Variants in CAST observed in about 807,000 individuals in gnomAD.
CAST encodes the protein MIR583 host.
In CAST, 76 loss-of-function variants were observed where a neutral mutation model predicts 119.6. The observed-to-expected ratio is 0.64, with a 90% CI of 0.53 to 0.77. The LOEUF (loss-of-function observed/expected upper bound fraction) is 0.77, where lower values mean the gene tolerates loss of function less well. Ranked by LOEUF, CAST falls within the 30% of genes least tolerant of loss-of-function variation. CAST has a pLI of 0.00. For missense variants in CAST, 953 were observed against 946.5 expected, an observed-to-expected ratio of 1.01 and a Z score of -0.09; for synonymous variants, 319 against 331.6, an observed-to-expected ratio of 0.96 and a Z score of 0.41.
At chr5:96,361,117 T>C in the CAST span, among the ~76,000 whole-genome samples, 2 of 152,180 alleles carry the variant, frequency 1.3e-5, no homozygotes, top group Non-Finnish European at 2.9e-5. Context: ...TCCTGGCAGC[T>C]TTGTTTACAC....
intron 1 of CAST, among the ~76,000 whole-genome samples, chr5:96,553,044 T>C (rs905130946): frequency 1.3e-5 from 2 of 152,152 alleles, no homozygotes; most frequent in African/African-American, 2.4e-5. Context: ...GAGGGAATCC[T>C]CACTAACTCA....
chr5:96,183,195 A>ATAATAATAATAC, the CAST span, among the ~76,000 whole-genome samples: 2 of 144,668 alleles, frequency 1.4e-5, no homozygotes, highest in Non-Finnish European at 3.0e-5. Context: ...AATAATAATA[A>ATAATAATAATAC]TACAATGTTT....
intron 10 of CAST, 145 bp from the exon 11 acceptor site, chr5:96,737,704 C>T: frequency 1.9e-6 from 1 of 530,582 alleles, no homozygotes; most frequent in Non-Finnish European, 3.4e-6. Flanking sequence ...CTGTTAAAGA[C>T]CAGATTTTAA....
chr5:96,632,624 G>C (rs1165636559), intron 1 of CAST, among the ~76,000 whole-genome samples: 3 of 147,362 alleles, frequency 2.0e-5, no homozygotes, highest in Admixed American at 1.4e-4. Flanking sequence ...GGTGAGAACA[G>C]AGTGCTAATT....
chr5:96,271,930 G>A, the CAST span, among the ~76,000 whole-genome samples: 3 of 152,124 alleles, frequency 2.0e-5, no homozygotes, highest in South Asian at 4.1e-4. Flanking sequence ...CAAATATTCT[G>A]ATGTTTTAAA....
At chr5:96,273,559 T>C in the CAST span, among the ~76,000 whole-genome samples, 4 of 152,218 alleles carry the variant, frequency 2.6e-5, no homozygotes, top group African/African-American at 9.6e-5. Context: ...GCTTTCCTTG[T>C]TGAAGAAAAA....
intron 1 of CAST, among the ~76,000 whole-genome samples, chr5:96,630,123 T>A (rs1385047856): frequency 6.6e-6 from 1 of 152,238 alleles, no homozygotes; most frequent in Non-Finnish European, 1.5e-5. Flanking sequence ...GGATGTATCA[T>A]TGAATAAAAC....
At chr5:96,274,073 G>A in the CAST span, among the ~76,000 whole-genome samples, 1 of 151,902 alleles carries the variant, frequency 6.6e-6, no homozygotes, top group Non-Finnish European at 1.5e-5. Flanking sequence ...GGGATGGTGT[G>A]AGAGAAGAAA....
the CAST span, among the ~76,000 whole-genome samples, chr5:96,011,655 T>A: frequency 1.3e-5 from 2 of 152,206 alleles, no homozygotes; most frequent in Non-Finnish European, 2.9e-5. Flanking sequence ...CTCTGATGAC[T>A]TTGTTCTTCT....
chr5:96,399,517 A>C, the CAST span, among the ~76,000 whole-genome samples: 1 of 152,192 alleles, frequency 6.6e-6, no homozygotes, highest in African/African-American at 2.4e-5. Flanking sequence ...ATGGAAGAAA[A>C]GCCATGAATC....
intron 11 of CAST, among the ~76,000 whole-genome samples, chr5:96,738,587 C>T (rs946777854): frequency 6.6e-6 from 1 of 152,052 alleles, no homozygotes; most frequent in Non-Finnish European, 1.5e-5. Flanking sequence ...TTACCACCCT[C>T]AGTTTATCCC....
the CAST span, among the ~76,000 whole-genome samples, chr5:96,105,284 T>C: frequency 1.3e-5 from 2 of 152,054 alleles, no homozygotes; most frequent in African/African-American, 4.8e-5. Flanking sequence ...TGAATAGGAG[T>C]GGTGAGAGAG....
At chr5:96,656,632 C>T (rs544443917) in intron 1 of CAST, among the ~76,000 whole-genome samples, 2 of 152,144 alleles carry the variant, frequency 1.3e-5, no homozygotes, top group Non-Finnish European at 2.9e-5. Flanking sequence ...TACTCAGTCC[C>T]CACCTCCCAA....
At chr5:96,409,833 CTAAGT>C in the CAST span, among the ~76,000 whole-genome samples, 1 of 152,212 alleles carries the variant, frequency 6.6e-6, no homozygotes, top group Non-Finnish European at 1.5e-5. Context: ...GCCCACACTT[CTAAGT>C]TGAGACCACA....
chr5:96,310,305 T>C, the CAST span, among the ~76,000 whole-genome samples: 1 of 152,236 alleles, frequency 6.6e-6, no homozygotes, highest in Admixed American at 6.5e-5. Flanking sequence ...TGTGTGATCC[T>C]TTTAATGTGT....
the CAST span, chr5:96,432,066 G>A: frequency 6.6e-7 from 1 of 1,521,554 alleles, no homozygotes; most frequent in Non-Finnish European, 8.8e-7. Context: ...GAAATTCCCG[G>A]GAAAACGATT....
the CAST span, among the ~76,000 whole-genome samples, chr5:96,182,312 G>T: frequency 1.1e-4 from 16 of 152,316 alleles, 2 homozygotes; most frequent in African/African-American, 3.8e-4. Flanking sequence ...TCCTTGGCTG[G>T]TGGAGAAGTC....
chr5:96,525,134 A>G (rs1339336091), upstream of CAST: 1 of 152,242 alleles, frequency 6.6e-6, no homozygotes, highest in Non-Finnish European at 1.5e-5. Flanking sequence ...GGTGTGTTAC[A>G]TTGCTTAGAG....
At chr5:96,580,394 T>C (rs1746749243) in intron 1 of CAST, among the ~76,000 whole-genome samples, 1 of 152,226 alleles carries the variant, frequency 6.6e-6, no homozygotes, top group South Asian at 2.1e-4. Context: ...AATAGTTTAT[T>C]TGAAAACCAA....
Sources: gnomAD v4.1 joint callset for allele counts (sites outside exome capture counted in the v4.1 genomes callset) on GRCh38, gnomAD v4.1.1 for gene constraint, MANE v1.5 for transcripts, NCBI Gene and HGNC (gene_info 2026-07-23, HGNC 2026-07-21) for gene names.